STAMBPL1: variants seen among roughly 807,000 people sequenced by gnomAD.
STAMBPL1 encodes the protein AMSH-like protease.
Under a neutral mutation model 52.9 loss-of-function variants are expected in STAMBPL1, and 44 were observed. The observed-to-expected ratio is 0.83, with a 90% CI of 0.65 to 1.07. The LOEUF (loss-of-function observed/expected upper bound fraction) is 1.07. Among genes scored for constraint, STAMBPL1 ranks in the 50% least tolerant of loss-of-function variants. The pLI is 0.00. For synonymous variants in STAMBPL1, 164 were observed against 177.3 expected, an observed-to-expected ratio of 0.92 and a Z score of 0.60; for missense variants, 511 against 520.8, an observed-to-expected ratio of 0.98 and a Z score of 0.18.
At position 88,887,137 on chromosome 10, in the gene STAMBPL1, T is replaced by C. The variant is rs150775564; in HGVS notation, c.-54+6499T>C. Among the ~76,000 whole-genome samples the C allele has an allele frequency of 1.8e-3, 276 of 152,322 alleles. 1 individual carries two copies. The highest frequency in any genetic ancestry group is 6.3e-3 in the African/African-American group (260 of 41,582). Reference sequence around the variant, plus strand: ...AATGGACATGGTGGATGGAATGAGATTGGGAAAGAGAGGCCTGAAATATGC... The same window carrying C: ...AATGGACATGGTGGATGGAATGAGACTGGGAAAGAGAGGCCTGAAATATGC... On this transcript the variant is annotated intron_variant, in intron 1 of 10. Transcript: ENST00000371926.
intron 2 of STAMBPL1, among the ~76,000 whole-genome samples, chr10:88,904,651 G>A (rs974437797): frequency 7.1e-6 from 1 of 141,240 alleles, no homozygotes; most frequent in African/African-American, 2.5e-5. Context: ...CCTTTCTGAA[G>A]CACCGACTTT....
chr10:88,913,488 A>T (rs764273738), intron 6 of STAMBPL1, 30 bp downstream of exon 6: 1 of 1,562,020 alleles, frequency 6.4e-7, no homozygotes, highest in Non-Finnish European at 8.7e-7. Context: ...CATGTGAGAC[A>T]CTGAGCCTCA....
intron 1 of STAMBPL1, among the ~76,000 whole-genome samples, chr10:88,881,766 C>T (rs1169131792): frequency 6.6e-6 from 1 of 152,170 alleles, no homozygotes; most frequent in African/African-American, 2.4e-5. Context: ...GACCTTGTTT[C>T]CATTGGAAAT....
At position 88,910,921 on chromosome 10, in the gene STAMBPL1, GA is replaced by G; in HGVS notation, c.332del (p.Lys111ArgfsTer11). 6.3e-7 allele frequency: 1 copy of G among 1,583,064 alleles called. No individual in the cohort carries two copies. ...TGTATATATATTTTTAAAAGAAACT[GA>G]AGGAGATTGCATTCCCAAGGACAGA... ...PEKQDIMKKL[K>X]EIAFPRTDEL... On this transcript the variant is annotated frameshift_variant, in exon 5 of 11. Coordinates refer to ENST00000371926, the MANE Select transcript of STAMBPL1 (RefSeq NM_020799.4). LOFTEE classifies it high-confidence loss of function.
At chr10:88,887,371 T>A (rs192959913) in intron 1 of STAMBPL1, among the ~76,000 whole-genome samples, 1 of 152,344 alleles carries the variant, frequency 6.6e-6, no homozygotes, top group African/African-American at 2.4e-5. Context: ...CATATTCTTA[T>A]GGCACACGTA....
intron 9 of STAMBPL1, 25 bp downstream of exon 9, chr10:88,921,420 C>A: frequency 6.3e-7 from 1 of 1,582,760 alleles, no homozygotes; most frequent in Non-Finnish European, 8.7e-7. Flanking sequence ...TCAGGGGAGA[C>A]CAAAGAAGGC....
At chr10:88,918,167 GC>G (rs895410526) in intron 8 of STAMBPL1, among the ~76,000 whole-genome samples, 3 of 152,032 alleles carry the variant, frequency 2.0e-5, no homozygotes, top group African/African-American at 7.3e-5. Flanking sequence ...TGGGATACTG[GC>G]CAAGAAAATT....
rs17114000 is a variant in STAMBPL1 at position 88,895,352 on chromosome 10, T to C, written c.-53-6304T>C. ...GCCAAGTCCTGACTACAAGGGAGACTGAGAAAGTGACTATCTCTAGTGGGA... is the reference window on the plus strand; with the variant it reads ...GCCAAGTCCTGACTACAAGGGAGACCGAGAAAGTGACTATCTCTAGTGGGA... On this transcript the variant is annotated intron_variant, in intron 1 of 10. Coordinates refer to ENST00000371926, the MANE Select transcript of STAMBPL1 (RefSeq NM_020799.4). Among the ~76,000 whole-genome samples the C allele has an allele frequency of 9.1e-3, 1,382 of 152,338 alleles. 37 individuals carry two copies. The East Asian group carries it at 0.11, about 12-fold the overall frequency.
At chr10:88,887,140 GGAAA>G (rs1240150764) in intron 1 of STAMBPL1, among the ~76,000 whole-genome samples, 38 of 152,240 alleles carry the variant, frequency 2.5e-4, no homozygotes, top group African/African-American at 9.2e-4. Flanking sequence ...AATGAGATTG[GGAAA>G]GAGAGGCCTG....
intron 3 of STAMBPL1, among the ~76,000 whole-genome samples, chr10:88,908,249 C>T (rs999292070): frequency 5.9e-5 from 9 of 152,100 alleles, no homozygotes; most frequent in South Asian, 2.1e-4. Flanking sequence ...TATGAGTTTT[C>T]GGTTAAGAGT....
intron 1 of STAMBPL1, among the ~76,000 whole-genome samples, chr10:88,892,049 A>C (rs1369059825): frequency 6.6e-6 from 1 of 152,208 alleles, no homozygotes; most frequent in Non-Finnish European, 1.5e-5. Context: ...TTATAGAATA[A>C]AGATATATCA....
At chr10:88,887,275 C>T (rs182909515) in intron 1 of STAMBPL1, among the ~76,000 whole-genome samples, 274 of 152,064 alleles carry the variant, frequency 1.8e-3, no homozygotes, top group Non-Finnish European at 2.3e-3. Flanking sequence ...CACTCAAAAT[C>T]ATTGGTGGGT....
chr10:88,903,676 G>T (rs1321582536), intron 2 of STAMBPL1, among the ~76,000 whole-genome samples: 1 of 152,128 alleles, frequency 6.6e-6, no homozygotes, highest in African/African-American at 2.4e-5. Flanking sequence ...TGGTGCTGTT[G>T]AGTTCTATAG....
Position 88,892,161 on chromosome 10 carries a change from G to T in STAMBPL1, c.-53-9495G>T, listed in dbSNP as rs558935385. On this transcript the variant is annotated intron_variant, in intron 1 of 10. Coordinates refer to ENST00000371926, the MANE Select transcript of STAMBPL1 (RefSeq NM_020799.4). ...CCAAGGCAGGAGTTGATTTTAAATAGGGAAAGTTCAGCTGATCAGGGCCAG... is the reference window on the plus strand; with the variant it reads ...CCAAGGCAGGAGTTGATTTTAAATATGGAAAGTTCAGCTGATCAGGGCCAG... Among the ~76,000 whole-genome samples, 7 of 152,314 alleles carry T rather than the reference G, an allele frequency of 4.6e-5. No individual in the cohort carries two copies. The East Asian group carries it at 1.2e-3, about 25-fold the overall frequency.
At chr10:88,905,781 G>C (rs1845058864) in intron 3 of STAMBPL1, 121 bp downstream of exon 3, 1 of 749,714 alleles carries the variant, frequency 1.3e-6, no homozygotes, top group East Asian at 2.7e-5. Context: ...CAGTCTCTAG[G>C]AGCATTAAAT....
intron 5 of STAMBPL1, chr10:88,912,250 A>G (rs1483695210): frequency 6.6e-6 from 1 of 152,194 alleles, no homozygotes; most frequent in African/African-American, 2.4e-5. Flanking sequence ...ATTTGTATGC[A>G]CCTGAATGTG....
chr10:88,919,368 T>C (rs1845447541), intron 8 of STAMBPL1, among the ~76,000 whole-genome samples: 1 of 152,144 alleles, frequency 6.6e-6, no homozygotes, highest in Admixed American at 6.5e-5. Flanking sequence ...ATCATCATCA[T>C]TTTCATTTCT....
chr10:88,919,185 A>G lies in STAMBPL1; in HGVS notation c.1042-2098A>G, dbSNP rs538942413. 3.3e-5 allele frequency among the ~76,000 whole-genome samples: 5 copies of G among 152,300 alleles called. No individual in the cohort carries two copies. The South Asian group carries it at 1.0e-3, about 32-fold the overall frequency. On this transcript the variant is annotated intron_variant, in intron 8 of 10. Coordinates refer to ENST00000371926, the MANE Select transcript of STAMBPL1 (RefSeq NM_020799.4). ...ACATTTTGGTTTAACTAGTTTTATG[A>G]GCATCAGCAAGTTACTCACTTTCCT...
rs1325182174 is a variant in STAMBPL1 at position 88,913,082 on chromosome 10, T to G, written c.421-19T>G. 3.2e-6 allele frequency: 5 copies of G among 1,550,202 alleles called. No homozygotes were observed. The highest frequency in any genetic ancestry group is 4.3e-6 in the Non-Finnish European group (5 of 1,150,050). ...CTCCTTGGAAACTAACCTTCTCTTCTGGCTGCCACACTTTTTAGAACAAAT... is the reference window on the plus strand; with the variant it reads ...CTCCTTGGAAACTAACCTTCTCTTCGGGCTGCCACACTTTTTAGAACAAAT... On this transcript the variant is annotated intron_variant, in intron 5 of 10. Transcript: ENST00000371926.
Sources: gnomAD v4.1 joint callset for allele counts (sites outside exome capture counted in the v4.1 genomes callset) on GRCh38, gnomAD v4.1.1 for gene constraint, MANE v1.5 for transcripts, NCBI Gene and HGNC (gene_info 2026-07-23, HGNC 2026-07-21) for gene names.